The following SNTG1 variants were observed in gnomAD, a reference collection of about 807,000 sequenced individuals.
The protein encoded by SNTG1 is syntrophin gamma 1, also known as gamma-1-syntrophin.
Under a neutral mutation model 74.7 loss-of-function variants are expected in SNTG1, and 39 were observed. The observed-to-expected ratio is 0.52, with a 90% CI of 0.40 to 0.68. The LOEUF (loss-of-function observed/expected upper bound fraction) is 0.68. SNTG1 is among the 30% of genes least tolerant of loss of function. SNTG1 has a pLI of 0.00. For missense variants in SNTG1, 685 were observed against 609.5 expected, an observed-to-expected ratio of 1.12 and a Z score of -1.30; for synonymous variants, 254 against 217.1, an observed-to-expected ratio of 1.17 and a Z score of -1.49.
At chr8:50,071,463 GTATACA>G (rs781364254) in intron 1 of SNTG1, among the ~76,000 whole-genome samples, 15 of 151,868 alleles carry the variant, frequency 9.9e-5, no homozygotes, top group Middle Eastern at 3.4e-3. Flanking sequence ...TATTATATAC[GTATACA>G]TATACATATA....
chr8:50,730,195 AC>A (rs1320175105), intron 17 of SNTG1, among the ~76,000 whole-genome samples: 2 of 152,190 alleles, frequency 1.3e-5, no homozygotes, highest in Admixed American at 1.3e-4. Flanking sequence ...TGAAAGTAAA[AC>A]TATATTTGGA....
intron 17 of SNTG1, among the ~76,000 whole-genome samples, chr8:50,721,547 T>A (rs879585431): frequency 6.6e-6 from 1 of 152,192 alleles, no homozygotes; most frequent in Non-Finnish European, 1.5e-5. Context: ...GGACTCTAAG[T>A]CTTTCCTCTA....
At chr8:50,573,506 T>C (rs981882943) in intron 12 of SNTG1, among the ~76,000 whole-genome samples, 6 of 151,936 alleles carry the variant, frequency 3.9e-5, no homozygotes, top group Non-Finnish European at 8.8e-5. Flanking sequence ...AAAATGTGCA[T>C]ATATTTGTCA....
chr8:50,500,380 A>C (rs545522388), intron 8 of SNTG1, among the ~76,000 whole-genome samples: 2 of 152,180 alleles, frequency 1.3e-5, no homozygotes, highest in Non-Finnish European at 2.9e-5. Flanking sequence ...AAATATTTGT[A>C]TAATATCTAT....
At chr8:50,629,688 T>G (rs1003624033) in intron 13 of SNTG1, among the ~76,000 whole-genome samples, 12 of 152,160 alleles carry the variant, frequency 7.9e-5, no homozygotes, top group South Asian at 6.2e-4. Context: ...TCTTTTGCTC[T>G]CCTCTTGTTA....
At chr8:50,525,943 G>A (rs893878242) in intron 9 of SNTG1, among the ~76,000 whole-genome samples, 2 of 151,674 alleles carry the variant, frequency 1.3e-5, no homozygotes, top group Non-Finnish European at 2.9e-5. Flanking sequence ...GAAAAAATCA[G>A]CCATGTCTCT....
At chr8:50,672,028 A>T (rs1408011886) in intron 15 of SNTG1, among the ~76,000 whole-genome samples, 2 of 113,790 alleles carry the variant, frequency 1.8e-5, no homozygotes, top group Non-Finnish European at 3.3e-5. Context: ...GGAACATCAC[A>T]CTCTGGGGAC....
chr8:49,924,555 G>A (rs1166242073), intron 1 of SNTG1, among the ~76,000 whole-genome samples: 1 of 152,152 alleles, frequency 6.6e-6, no homozygotes, highest in African/African-American at 2.4e-5. Flanking sequence ...CTATAAGCTG[G>A]CTTTGGAAAT....
At chr8:50,159,568 A>G (rs1244371311) in intron 1 of SNTG1, among the ~76,000 whole-genome samples, 1 of 152,196 alleles carries the variant, frequency 6.6e-6, no homozygotes, top group Non-Finnish European at 1.5e-5. Flanking sequence ...GGAAAAAGCA[A>G]AATGTGAGTC....
intron 2 of SNTG1, among the ~76,000 whole-genome samples, chr8:50,298,627 A>G (rs1394962915): frequency 2.0e-5 from 3 of 152,212 alleles, no homozygotes; most frequent in African/African-American, 7.2e-5. Flanking sequence ...ATCAAGATAC[A>G]TTTAATAAAG....
intron 13 of SNTG1, among the ~76,000 whole-genome samples, chr8:50,640,881 G>A (rs1298298666): frequency 1.3e-5 from 2 of 152,032 alleles, no homozygotes; most frequent in African/African-American, 4.8e-5. Flanking sequence ...AGCCCCTCTT[G>A]TGCCCCAAGC....
chr8:50,512,095 T>A (rs1290409180), intron 9 of SNTG1, among the ~76,000 whole-genome samples: 1 of 152,190 alleles, frequency 6.6e-6, no homozygotes, highest in African/African-American at 2.4e-5. Context: ...TCAGGAGCTC[T>A]TTTAGTGCAG....
chr8:49,981,690 A>G (rs932964024), intron 1 of SNTG1, among the ~76,000 whole-genome samples: 27 of 152,222 alleles, frequency 1.8e-4, no homozygotes, highest in African/African-American at 6.3e-4. Flanking sequence ...CAGGTGGTCA[A>G]TAATTGTTGA....
intron 1 of SNTG1, among the ~76,000 whole-genome samples, chr8:50,016,554 G>A (rs1816332602): frequency 6.6e-6 from 1 of 152,024 alleles, no homozygotes; most frequent in South Asian, 2.1e-4. Context: ...CCTTTGCAAA[G>A]CTTCTTGAAC....
At chr8:50,257,789 TA>T (rs778935422) in intron 2 of SNTG1, among the ~76,000 whole-genome samples, 1 of 152,132 alleles carries the variant, frequency 6.6e-6, no homozygotes, top group Non-Finnish European at 1.5e-5. Flanking sequence ...AAGGACAAAA[TA>T]ACCCTACTGC....
chr8:50,035,822 T>C (rs569579078), intron 1 of SNTG1, among the ~76,000 whole-genome samples: 2 of 152,090 alleles, frequency 1.3e-5, no homozygotes, highest in African/African-American at 4.8e-5. Flanking sequence ...TCCGACAGCA[T>C]GGAGGGCCAG....
intron 2 of SNTG1, among the ~76,000 whole-genome samples, chr8:50,247,467 T>A (rs749575558): frequency 6.6e-5 from 10 of 152,144 alleles, no homozygotes; most frequent in Admixed American, 1.3e-4. Flanking sequence ...TTATCTTAAG[T>A]TAGTGCAACT....
intron 2 of SNTG1, among the ~76,000 whole-genome samples, chr8:50,232,926 A>G (rs952667185): frequency 2.0e-5 from 3 of 151,564 alleles, no homozygotes; most frequent in African/African-American, 7.2e-5. Flanking sequence ...ATAAATAAAA[A>G]TGTAAATAAA....
chr8:50,659,781 G>A (rs1244056282), intron 15 of SNTG1, among the ~76,000 whole-genome samples: 1 of 151,952 alleles, frequency 6.6e-6, no homozygotes, highest in East Asian at 1.9e-4. Flanking sequence ...AGTATCTGAG[G>A]AAAAGGAGAT....
Sources: allele counts gnomAD v4.1 joint callset (sites outside exome capture counted in the v4.1 genomes callset), GRCh38; gene constraint gnomAD v4.1.1; transcripts MANE v1.5; gene names NCBI Gene and HGNC (gene_info 2026-07-23, HGNC 2026-07-21).